Variants in ATG2A observed in about 807,000 individuals in gnomAD.
ATG2A encodes autophagy-related protein 2 homolog A.
Under a neutral mutation model 214.2 loss-of-function variants are expected in ATG2A, and 103 were observed. That is an observed-to-expected ratio of 0.48 (90% CI 0.41 to 0.57). ATG2A has a LOEUF of 0.57. Among genes scored for constraint, ATG2A ranks in the 20% least tolerant of loss-of-function variants. ATG2A has a pLI of 0.00. For synonymous variants in ATG2A, 1,160 were observed against 1,142.1 expected (o/e 1.02, Z -0.32); for missense variants, 2,312 against 2,613.2 (o/e 0.88, Z 2.51).
Position 64,914,072 on chromosome 11 carries a change from C to T in ATG2A, c.487+9G>A. On this transcript the variant is annotated intron_variant, in intron 3 of 40. Coordinates refer to ENST00000377264, the MANE Select transcript of ATG2A (RefSeq NM_015104.3). The stretch of plus-strand genomic sequence containing the variant: ...CAGGAGACAGGGCGGCCAGGAGGGG[C>T]CTGCTCACCAGTCTCAATGGTCTGG... 6.5e-7 allele frequency: 1 copy of T among 1,537,544 alleles called. No individual in the cohort carries two copies. Among genetic ancestry groups the T allele is most frequent in the East Asian group, 2.4e-5 (1 of 41,350 alleles).
At chr11:64,897,303 T>C in intron 37 of ATG2A, 109 bp downstream of exon 37, 1 of 1,310,342 alleles carries the variant, frequency 7.6e-7, no homozygotes, top group Non-Finnish European at 1.1e-6. Context: ...GAGGAGAAAC[T>C]GAGGCCCTGA....
Position 64,896,860 on chromosome 11 carries a change from A to T in ATG2A, c.5160T>A (p.Gly1720=). 6.2e-7 allele frequency: 1 copy of T among 1,613,722 alleles called. No homozygotes were observed. Among genetic ancestry groups the T allele is most frequent in the Non-Finnish European group, 8.5e-7 (1 of 1,179,696 alleles). The change falls in exon 38 of 41, where the codon GGT becomes GGA. Residue 1720 remains glycine, a synonymous_variant. Transcript: ENST00000377264. ...GGGCATAGCCCAGCACCTTGTCCACACCCAGGAGCCTGGCAGGGCAGGGAG... is the reference window on the plus strand; with the variant it reads ...GGGCATAGCCCAGCACCTTGTCCACTCCCAGGAGCCTGGCAGGGCAGGGAG... ...KRLCCRHGLL[G]VDKVLGYALN...
chr11:64,911,475 T>A lies in ATG2A; in HGVS notation c.1229-200A>T, dbSNP rs116815315. The stretch of plus-strand genomic sequence containing the variant: ...CTGCCCAGGCTCAACTGAACCCTCC[T>A]CAGGGTGCTGGAAGGACAGGATGTG... On this transcript the variant is annotated intron_variant, in intron 9 of 40. Transcript: ENST00000377264. Among the ~76,000 whole-genome samples, 395 of 152,230 alleles carry A rather than the reference T, an allele frequency of 2.6e-3. 2 individuals are homozygous for A. The highest frequency in any genetic ancestry group is 9.2e-3 in the African/African-American group (383 of 41,524).
chr11:64,915,140 C>G (rs1231313047), intron 1 of ATG2A, among the ~76,000 whole-genome samples: 1 of 44,002 alleles, frequency 2.3e-5, no homozygotes, highest in Non-Finnish European at 6.1e-5. Flanking sequence ...GGACCCCCCC[C>G]CCCCACCACC....
intron 15 of ATG2A, 60 bp downstream of exon 15, chr11:64,909,211 C>T: frequency 6.2e-7 from 1 of 1,608,486 alleles, no homozygotes; most frequent in South Asian, 1.1e-5. Flanking sequence ...TCCAAACTGG[C>T]CCCCTGCCAC....
intron 13 of ATG2A, 41 bp downstream of exon 13, chr11:64,909,999 C>G (rs368368728): frequency 6.5e-5 from 101 of 1,562,740 alleles, no homozygotes; most frequent in Non-Finnish European, 7.7e-5. Flanking sequence ...GACCCAGGCC[C>G]TGCACCCACC....
Position 64,916,988 on chromosome 11 carries a change from G to A in ATG2A, c.148C>T (p.Arg50Ter), listed in dbSNP as rs760109047. Residue 50 changes from arginine (R) to a stop codon, truncating the protein, a stop_gained, in exon 1 of 41, where the codon CGA (arginine) becomes TGA (stop). Coordinates refer to ENST00000377264, the MANE Select transcript of ATG2A (RefSeq NM_015104.3). LOFTEE classifies it high-confidence loss of function. ...ACCCAGATTTCCAGGTGGATGTCTC[G>A]CAGGGCAACGCTGCCCTTGTACAGA... is the stretch of plus-strand genomic sequence containing the variant. Reference protein sequence around the residue: ...LDLYKGSVALRDIHLEIWSVN... With the variant: ...LDLYKGSVAL 4 of 1,613,492 alleles carry A rather than the reference G, an allele frequency of 2.5e-6. No homozygotes were observed.
At chr11:64,904,518 C>T (rs933709241) in intron 24 of ATG2A, among the ~76,000 whole-genome samples, 1 of 151,580 alleles carries the variant, frequency 6.6e-6, no homozygotes, top group African/African-American at 2.4e-5. Context: ...GCACTCCAGC[C>T]TGCTGACAGA....
Position 64,913,682 on chromosome 11 carries a change from C to G in ATG2A, c.590+139G>C. The G allele has an allele frequency of 1.1e-6, 1 of 911,838 alleles. No homozygotes were observed. Among genetic ancestry groups the G allele is most frequent in the East Asian group, 2.6e-5 (1 of 38,182 alleles). 56.5% of individuals were successfully genotyped at this position (911,838 alleles called of 1,614,324 possible). ...AGTCCGGGCTCACGATGCAGCCCAC[C>G]TCCCCAACCCTACCACCACCGAGGC... is the stretch of plus-strand genomic sequence containing the variant. On this transcript the variant is annotated intron_variant, in intron 4 of 40. Transcript: ENST00000377264. This position sits in a 1 kb window ranked among gnomAD's most constrained non-coding sequence, Gnocchi z 4.3.
At position 64,911,072 on chromosome 11, in the gene ATG2A, G is replaced by T; in HGVS notation, c.1432C>A (p.Arg478Ser). Reference sequence around the variant, plus strand: ...CTACAGGGACAGGCCCTCTGGAAGCGTGGTCGAAGGTGATGGAAGTCTCGG... The same window carrying T: ...CTACAGGGACAGGCCCTCTGGAAGCTTGGTCGAAGGTGATGGAAGTCTCGG... The part of the protein sequence containing the change: ...GSRDFHHLRP[R>S]FQRACPCSHV... Residue 478 changes from arginine to serine, a missense_variant, in exon 10 of 41, where the codon CGC (arginine) becomes AGC (serine). Physicochemically the swap from Arg to Ser is moderately radical, Grantham distance 110. Transcript: ENST00000377264. 1.2e-6 allele frequency: 2 copies of T among 1,614,054 alleles called. No homozygotes were observed. Among genetic ancestry groups the T allele is most frequent in the Non-Finnish European group, 1.7e-6 (2 of 1,180,044 alleles).
chr11:64,896,951 C>A lies in ATG2A; in HGVS notation c.5151-82G>T, dbSNP rs1315470157. 25 of 1,562,500 alleles carry A rather than the reference C, an allele frequency of 1.6e-5. 1 individual carries two copies. The highest frequency in any genetic ancestry group is 2.1e-5 in the Non-Finnish European group (24 of 1,149,432). ...ATTGTGGGGTCAGGAGGACTCAGTA[C>A]CCCTGTGGCAAGTACTGTGGGCACT... On this transcript the variant is annotated intron_variant, in intron 37 of 40. Transcript: ENST00000377264.
chr11:64,902,414 G>C (rs1443260644), intron 27 of ATG2A, 28 bp from the exon 28 acceptor site: 9 of 1,541,420 alleles, frequency 5.8e-6, no homozygotes, highest in Non-Finnish European at 2.6e-6. Context: ...GGAGCAATGA[G>C]TGAGACAGGA....
chr11:64,916,180 A>G lies in ATG2A; in HGVS notation c.171+785T>C, dbSNP rs1021785900. 4.6e-5 allele frequency among the ~76,000 whole-genome samples: 7 copies of G among 152,054 alleles called. No homozygotes were observed. In the South Asian group the frequency reaches 1.4e-3, roughly 31 times the overall value. Reference sequence around the variant, plus strand: ...AGGGCTCCTCACCGTTCCCAGCCTCAAGCCTCTGACCTTACACCTCTTGGC... The same window carrying G: ...AGGGCTCCTCACCGTTCCCAGCCTCGAGCCTCTGACCTTACACCTCTTGGC... On this transcript the variant is annotated intron_variant, in intron 1 of 40. Coordinates refer to ENST00000377264, the MANE Select transcript of ATG2A (RefSeq NM_015104.3).
intron 36 of ATG2A, 87 bp downstream of exon 36, chr11:64,897,584 A>C: frequency 6.2e-7 from 1 of 1,606,218 alleles, no homozygotes; most frequent in Non-Finnish European, 8.5e-7. Flanking sequence ...CTGGCTGCTA[A>C]CAGTGCCTGG....
intron 22 of ATG2A, 56 bp from the exon 23 acceptor site, chr11:64,905,904 C>G: frequency 6.5e-7 from 1 of 1,544,642 alleles, no homozygotes; most frequent in South Asian, 1.1e-5. Flanking sequence ...CCTCCCTCCT[C>G]TAACCCCTCC....
In ATG2A at chr11:64,903,723, C is replaced by CGA; in HGVS notation, c.3465-65_3465-64dup. 6.7e-7 allele frequency: 1 copy of CGA among 1,482,252 alleles called. No individual in the cohort carries two copies. The highest frequency in any genetic ancestry group is 9.1e-7 in the Non-Finnish European group (1 of 1,096,528). The allele number at this position is 1,482,252 out of a possible 1,614,324, so 91.8% of individuals were successfully genotyped here. On this transcript the variant is annotated intron_variant, in intron 24 of 40. Transcript: ENST00000377264. The surrounding 1 kb of genome is among the most constrained non-coding windows in gnomAD (Gnocchi z 4.2). ...CTGCAGGGGGCAGCTCCACGGGAGC[C>CGA]GAGCAGAGGGGTCCCAAGCCCACAG...
intron 30 of ATG2A, 24 bp from the exon 31 acceptor site, chr11:64,900,653 G>T: frequency 6.3e-7 from 1 of 1,575,246 alleles, no homozygotes. Flanking sequence ...CAGGGGCCAA[G>T]CTGACTCAGA....
Position 64,894,795 on chromosome 11 carries a change from G to A in ATG2A, c.*178C>T. On this transcript the variant is annotated 3_prime_UTR_variant, in exon 41 of 41. Coordinates refer to ENST00000377264, the MANE Select transcript of ATG2A (RefSeq NM_015104.3). ...AGGAAAAGTGCAGAGCCAGGGCTAAGGCCCCAAGGCAGGGAGGCCCCCCTC... is the reference window on the plus strand; with the variant it reads ...AGGAAAAGTGCAGAGCCAGGGCTAAAGCCCCAAGGCAGGGAGGCCCCCCTC... The A allele has an allele frequency of 1.2e-6, 1 of 815,614 alleles. No homozygotes were observed. The highest frequency in any genetic ancestry group is 2.1e-6 in the Non-Finnish European group (1 of 474,746). 50.5% of individuals were successfully genotyped at this position (815,614 alleles called of 1,614,324 possible).
Position 64,902,025 on chromosome 11 carries a change from G to C in ATG2A, c.4056C>G (p.Gly1352=). The C allele has an allele frequency of 1.2e-5, 19 of 1,613,960 alleles. No homozygotes were observed. Among genetic ancestry groups the C allele is most frequent in the Non-Finnish European group, 1.5e-5 (18 of 1,180,024 alleles). ...CATCACTGTCCAGGGTGTCTCCATCGCCCTCCTCTTCCCTTTCATCTTCCT... is the reference window on the plus strand; with the variant it reads ...CATCACTGTCCAGGGTGTCTCCATCCCCCTCCTCTTCCCTTTCATCTTCCT... The part of the protein sequence containing the change: ...EEKEDEREEE[G]DGDTLDSDEF... Residue 1352 remains glycine, a synonymous_variant, in exon 29 of 41, where the codon GGC becomes GGG. Coordinates refer to ENST00000377264, the MANE Select transcript of ATG2A (RefSeq NM_015104.3).
Sources: allele counts gnomAD v4.1 joint callset (sites outside exome capture counted in the v4.1 genomes callset), GRCh38; gene constraint gnomAD v4.1.1; non-coding constraint Gnocchi (gnomAD v3.1); transcripts MANE v1.5; gene names NCBI Gene and HGNC (gene_info 2026-07-23, HGNC 2026-07-21).